The following LPAR2 variants were observed in gnomAD, a reference collection of about 807,000 sequenced individuals.
LPAR2 encodes the protein lysophosphatidic acid receptor 2, also known as G protein-coupled receptor.
In LPAR2, 10 loss-of-function variants were observed where a neutral mutation model predicts 15.6. The ratio of observed to expected loss-of-function variants is 0.64; its 90% CI spans 0.39 to 1.09. LPAR2 has a LOEUF of 1.09. Ranked by LOEUF, LPAR2 falls within the 50% of genes least tolerant of loss-of-function variation. The pLI is 0.01. For synonymous variants in LPAR2, 204 were observed against 207.4 expected, an observed-to-expected ratio of 0.98 and a Z score of 0.14; for missense variants, 413 against 484.6, an observed-to-expected ratio of 0.85 and a Z score of 1.39.
Position 19,624,298 on chromosome 19 carries a change from C to T in LPAR2, c.1014G>A (p.Met338Ile), listed in dbSNP as rs2061728803. ...TCAGTGGGTGGCCGTTCTCGGGAAG[C>T]ATGATGCGAGTGCTGGCACCTCCCT... Residue 338 changes from methionine to isoleucine, a missense_variant, in exon 3 of 3, where the codon ATG becomes ATA. Coordinates refer to ENST00000407877, the MANE Select transcript of LPAR2 (RefSeq NM_004720.7). The T allele has an allele frequency of 6.2e-7, 1 of 1,611,788 alleles. No homozygotes were observed. The highest frequency in any genetic ancestry group is 8.5e-7 in the Non-Finnish European group (1 of 1,178,218).
At position 19,626,953 on chromosome 19, in the gene LPAR2, A is replaced by C. The variant is rs754813146; in HGVS notation, c.332T>G (p.Leu111Arg). 1 of 1,609,700 alleles carries C rather than the reference A, an allele frequency of 6.2e-7. No homozygotes were observed. Among genetic ancestry groups the C allele is most frequent in the Non-Finnish European group, 8.5e-7 (1 of 1,178,530 alleles). Residue 111 changes from leucine (L) to arginine (R), a missense_variant, in exon 2 of 3, where the codon CTG (leucine) becomes CGG (arginine). Physicochemically the swap from Leu to Arg is moderately radical, Grantham distance 102 (BLOSUM62 -2). Coordinates refer to ENST00000407877, the MANE Select transcript of LPAR2 (RefSeq NM_004720.7). The surrounding 1 kb of genome is among the most constrained non-coding windows in gnomAD (Gnocchi z 5.3). ...CACCGACGCAGTGAGGCTTGTGTCC[A>C]GCAAGCCCTGCCGCAGGAACCAGCC... is the stretch of plus-strand genomic sequence containing the variant.
At chr19:19,625,813 A>C (rs995019192) in intron 2 of LPAR2, among the ~76,000 whole-genome samples, 1 of 151,146 alleles carries the variant, frequency 6.6e-6, no homozygotes, top group Non-Finnish European at 1.5e-5. Context: ...AAAAATACAT[A>C]TAGATTAAAA....
rs1490846687 is a variant in LPAR2 at position 19,626,844 on chromosome 19, C to T, written c.441G>A (p.Val147=). The T allele has an allele frequency of 1.3e-6, 2 of 1,593,488 alleles. No homozygotes were observed. Among genetic ancestry groups the T allele is most frequent in the South Asian group, 2.2e-5 (2 of 89,198 alleles). ...CCCACACGCCCACAATGAGCATGAC[C>T]ACGCGGCCACGGGGCAGGCGGCTGT... Residue 147 remains valine (V), a synonymous_variant, in exon 2 of 3, where the codon GTG becomes GTA. Transcript: ENST00000407877. This position sits in a 1 kb window ranked among gnomAD's most constrained non-coding sequence, Gnocchi z 5.3.
At position 19,624,569 on chromosome 19, in the gene LPAR2, CCTGTGGGACAG is replaced by C; in HGVS notation, c.743-11_743-1del. 6.3e-7 allele frequency: 1 copy of C among 1,590,204 alleles called. No individual in the cohort carries two copies. Among genetic ancestry groups the C allele is most frequent in the Non-Finnish European group, 8.6e-7 (1 of 1,165,498 alleles). ...TGGTGTCCAGCAGACCACGAACGCCCCTGTGGGACAGAGGCGGAAGTGAGCAGGGCAAGCTG... is the reference window on the plus strand; with the variant it reads ...TGGTGTCCAGCAGACCACGAACGCCCAGGCGGAAGTGAGCAGGGCAAGCTG... On this transcript the variant is annotated splice_acceptor_variant and splice_polypyrimidine_tract_variant and intron_variant, in intron 2 of 2. Coordinates refer to ENST00000407877, the MANE Select transcript of LPAR2 (RefSeq NM_004720.7). LOFTEE classifies it high-confidence loss of function.
Position 19,624,789 on chromosome 19 carries a change from TTGTGTGTGTGTGTGTG to T in LPAR2, c.743-236_743-221del, listed in dbSNP as rs142248281. 5.6e-4 allele frequency among the ~76,000 whole-genome samples: 80 copies of T among 143,798 alleles called. 2 individuals carry two copies. The highest frequency in any genetic ancestry group is 7.1e-4 in the Admixed American group (10 of 14,088). 94.3% of individuals were successfully genotyped at this position (143,798 alleles called of 152,430 possible). ...CACAGTGGCCAAGGCACTGGACATT[TTGTGTGTGTGTGTGTG>T]TGTGTGTGTGTGTGTGTGTGTGTGT... On this transcript the variant is annotated intron_variant, in intron 2 of 2. Coordinates refer to ENST00000407877, the MANE Select transcript of LPAR2 (RefSeq NM_004720.7).
Position 19,626,205 on chromosome 19 carries a change from G to T in LPAR2, c.742+338C>A, listed in dbSNP as rs902143357. Among the ~76,000 whole-genome samples the T allele has an allele frequency of 6.6e-6, 1 of 152,102 alleles. No individual in the cohort carries two copies. Among genetic ancestry groups the T allele is most frequent in the African/African-American group, 2.4e-5 (1 of 41,440 alleles). ...GCTAGCACTGCTAAAAACTCTTAAGGGGTTCCCATGAAACTCAAAATAAGA... is the reference window on the plus strand; with the variant it reads ...GCTAGCACTGCTAAAAACTCTTAAGTGGTTCCCATGAAACTCAAAATAAGA... On this transcript the variant is annotated intron_variant, in intron 2 of 2. Coordinates refer to ENST00000407877, the MANE Select transcript of LPAR2 (RefSeq NM_004720.7). The surrounding 1 kb of genome is among the most constrained non-coding windows in gnomAD (Gnocchi z 5.3).
Position 19,626,529 on chromosome 19 carries a change from G to T in LPAR2, c.742+14C>A. The T allele has an allele frequency of 6.3e-7, 1 of 1,579,266 alleles. No individual in the cohort carries two copies. The highest frequency in any genetic ancestry group is 8.6e-7 in the Non-Finnish European group (1 of 1,161,594). On this transcript the variant is annotated intron_variant, in intron 2 of 2. Coordinates refer to ENST00000407877, the MANE Select transcript of LPAR2 (RefSeq NM_004720.7). The surrounding 1 kb of genome is among the most constrained non-coding windows in gnomAD (Gnocchi z 5.3). ...GAAGCAGGGTCCCTGTTGCCCCCTG[G>T]GGGCCCCACTTACCCAGGATGATGA...
In LPAR2 at chr19:19,624,436, A is replaced by G. The variant is rs1335272749; in HGVS notation, c.876T>C (p.Ala292=). Reference sequence around the variant, plus strand: ...CAGCATCTCGGCAAGAGTACACAGCAGCATTGACCAGGGAGTTGGCCTCGG... The same window carrying G: ...CAGCATCTCGGCAAGAGTACACAGCGGCATTGACCAGGGAGTTGGCCTCGG... Residue 292 remains alanine (A), a synonymous_variant, in exon 3 of 3, where the codon GCT becomes GCC. Coordinates refer to ENST00000407877, the MANE Select transcript of LPAR2 (RefSeq NM_004720.7). 1 of 1,614,158 alleles carries G rather than the reference A, an allele frequency of 6.2e-7. No individual in the cohort carries two copies. Among genetic ancestry groups the G allele is most frequent in the Admixed American group, 1.7e-5 (1 of 60,022 alleles).
In LPAR2 at chr19:19,626,451, A is replaced by G. The variant is rs1458836732; in HGVS notation, c.742+92T>C. On this transcript the variant is annotated intron_variant, in intron 2 of 2. Transcript: ENST00000407877. This position sits in a 1 kb window ranked among gnomAD's most constrained non-coding sequence, Gnocchi z 5.3. ...CCTAAATCATCCCCCATCACCCTCTATCAGGTAGCTTGTTTTGTTCATTGC... is the reference window on the plus strand; with the variant it reads ...CCTAAATCATCCCCCATCACCCTCTGTCAGGTAGCTTGTTTTGTTCATTGC... 17 of 1,452,838 alleles carry G rather than the reference A, an allele frequency of 1.2e-5. No homozygotes were observed. The highest frequency in any genetic ancestry group is 2.1e-4 in the Middle Eastern group (1 of 4,876). 90.0% of individuals were successfully genotyped at this position (1,452,838 alleles called of 1,614,324 possible). A position where few individuals can be genotyped will look rare whatever the true frequency, so the allele number is the denominator to read the frequency against.
At position 19,624,325 on chromosome 19, in the gene LPAR2, G is replaced by C; in HGVS notation, c.987C>G (p.Ala329=). The change falls in exon 3 of 3, where the codon GCC becomes GCG. Residue 329 remains alanine, a synonymous_variant. Transcript: ENST00000407877. Reference sequence around the variant, plus strand: ...TGATGCGAGTGCTGGCACCTCCCTGGGCAGAGGATGTATAGTGGACAGACT... The same window carrying C: ...TGATGCGAGTGCTGGCACCTCCCTGCGCAGAGGATGTATAGTGGACAGACT... 6.2e-7 allele frequency: 1 copy of C among 1,614,184 alleles called. No individual in the cohort carries two copies. The highest frequency in any genetic ancestry group is 8.5e-7 in the Non-Finnish European group (1 of 1,180,018).
At position 19,623,948 on chromosome 19, in the gene LPAR2, A is replaced by C. The variant is rs2061727226; in HGVS notation, c.*308T>G. 2 of 393,902 alleles carry C rather than the reference A, an allele frequency of 5.1e-6. No individual in the cohort carries two copies. Among genetic ancestry groups the C allele is most frequent in the Admixed American group, 7.6e-5 (2 of 26,144 alleles). The allele number at this position is 393,902 out of a possible 1,614,324, so 24.4% of individuals were successfully genotyped here. A position where few individuals can be genotyped will look rare whatever the true frequency, so the allele number is the denominator to read the frequency against. ...AGCATCACACAGCAGGAACCAGTCCACAGGGCTTACCAAGGATACGCAGTG... is the reference window on the plus strand; with the variant it reads ...AGCATCACACAGCAGGAACCAGTCCCCAGGGCTTACCAAGGATACGCAGTG... On this transcript the variant is annotated 3_prime_UTR_variant, in exon 3 of 3. Coordinates refer to ENST00000407877, the MANE Select transcript of LPAR2 (RefSeq NM_004720.7).
chr19:19,624,951 C>A (rs191874206), intron 2 of LPAR2, among the ~76,000 whole-genome samples: 17 of 151,312 alleles, frequency 1.1e-4, no homozygotes, highest in African/African-American at 4.1e-4. Context: ...GTAGCTGGGA[C>A]TACAGGTGTG....
In LPAR2 at chr19:19,624,139, C is replaced by G. The variant is rs980193053; in HGVS notation, c.*117G>C. 9.2e-7 allele frequency: 1 copy of G among 1,088,626 alleles called. No homozygotes were observed. The highest frequency in any genetic ancestry group is 1.3e-6 in the Non-Finnish European group (1 of 745,246). The allele number at this position is 1,088,626 out of a possible 1,614,324, so 67.4% of individuals were successfully genotyped here. A position where few individuals can be genotyped will look rare whatever the true frequency, so the allele number is the denominator to read the frequency against. ...GGCCTGGCAGTGGTGCTGTGCCATG[C>G]CAGACCTTGTCCTGCCAGTCAGTCA... On this transcript the variant is annotated 3_prime_UTR_variant, in exon 3 of 3. Coordinates refer to ENST00000407877, the MANE Select transcript of LPAR2 (RefSeq NM_004720.7).
intron 2 of LPAR2, among the ~76,000 whole-genome samples, chr19:19,625,328 T>C (rs1568405785): frequency 1.3e-5 from 2 of 151,844 alleles, no homozygotes; most frequent in East Asian, 3.9e-4. Context: ...ATTAGCCAGG[T>C]ATGGTGGCAC....
rs2061741577 is a variant in LPAR2 at position 19,626,646 on chromosome 19, G to A, written c.639C>T (p.Phe213=). Residue 213 remains phenylalanine, a synonymous_variant, in exon 2 of 3, where the codon TTC becomes TTT. Transcript: ENST00000407877. This position sits in a 1 kb window ranked among gnomAD's most constrained non-coding sequence, Gnocchi z 5.3. ...TGCGCTGCACTCGCCGCCGCACGTAGAAGAAAATGCGGGTGTACACAGCCA... is the reference window on the plus strand; with the variant it reads ...TGCGCTGCACTCGCCGCCGCACGTAAAAGAAAATGCGGGTGTACACAGCCA... The A allele has an allele frequency of 6.2e-7, 1 of 1,613,334 alleles. No individual in the cohort carries two copies.
At chr19:19,625,648 T>C (rs965126225) in intron 2 of LPAR2, among the ~76,000 whole-genome samples, 1 of 150,986 alleles carries the variant, frequency 6.6e-6, no homozygotes, top group African/African-American at 2.4e-5. Flanking sequence ...CCAGGCATAG[T>C]GGCACGCACC....
rs760187590 is a variant in LPAR2, at chr19:19,624,400, G to A, written c.912C>T (p.Arg304=). ...CGCAGCAGAGAAGGCGGCGGAAGGT[G>A]CGGCGCATCTCAGCATCTCGGCAAG... Residue 304 remains arginine (R), a synonymous_variant, in exon 3 of 3, where the codon CGC becomes CGT. Transcript: ENST00000407877. The A allele has an allele frequency of 8.7e-6, 14 of 1,614,074 alleles. No individual in the cohort carries two copies. The highest frequency in any genetic ancestry group is 1.0e-5 in the Non-Finnish European group (12 of 1,180,048).
At position 19,628,032 on chromosome 19, in the gene LPAR2, C is replaced by G. The variant is rs144918093; in HGVS notation, c.-1+60G>C. On this transcript the variant is annotated intron_variant, in intron 1 of 2. Coordinates refer to ENST00000407877, the MANE Select transcript of LPAR2 (RefSeq NM_004720.7). ...GCGTCCTGGCCCCGCAGGCACGTGC[C>G]GCGCCCTTCCCCCGGGCCCAGGCCC... 3.0e-3 allele frequency: 456 copies of G among 152,666 alleles called. 4 individuals carry two copies. The Middle Eastern group carries it at 0.03, about 10-fold the overall frequency. 9.5% of individuals were successfully genotyped at this position (152,666 alleles called of 1,614,324 possible). A position where few individuals can be genotyped will look rare whatever the true frequency, so the allele number is the denominator to read the frequency against.
In LPAR2 at chr19:19,625,390, C is replaced by T. The variant is rs959036847; in HGVS notation, c.743-821G>A. Among the ~76,000 whole-genome samples, 4 of 152,026 alleles carry T rather than the reference C, an allele frequency of 2.6e-5. No homozygotes were observed. In the East Asian group the frequency reaches 7.8e-4, roughly 29 times the overall value. On this transcript the variant is annotated intron_variant, in intron 2 of 2. Coordinates refer to ENST00000407877, the MANE Select transcript of LPAR2 (RefSeq NM_004720.7). ...AACTGAGGCGGGAGGATCACCTGAG[C>T]CCGGAAGGTTGAGGCTGCAGTGAGC...
Sources: gnomAD v4.1 joint callset for allele counts (sites outside exome capture counted in the v4.1 genomes callset) on GRCh38, gnomAD v4.1.1 for gene constraint, Gnocchi (gnomAD v3.1) non-coding constraint, MANE v1.5 for transcripts, NCBI Gene and HGNC (gene_info 2026-07-23, HGNC 2026-07-21) for gene names.